The following TNS3 variants were observed in gnomAD, a reference collection of about 807,000 sequenced individuals.
The protein encoded by TNS3 is tensin-3.
Under a neutral mutation model 140.9 loss-of-function variants are expected in TNS3, and 45 were observed. The ratio of observed to expected loss-of-function variants is 0.32; its 90% CI spans 0.25 to 0.41. The LOEUF (loss-of-function observed/expected upper bound fraction) is 0.41. TNS3 is among the 10% of genes least tolerant of loss of function. The pLI, the probability that TNS3 is intolerant of heterozygous loss-of-function variation, is 1.00. For synonymous variants in TNS3, 815 were observed against 788.4 expected, an observed-to-expected ratio of 1.03 and a Z score of -0.56; for missense variants, 1,716 against 1,906.7, an observed-to-expected ratio of 0.90 and a Z score of 1.86.
chr7:47,582,136 T>C (rs1259156663), upstream of TNS3: 9 of 150,752 alleles, frequency 6.0e-5, no homozygotes, highest in East Asian at 1.2e-3. Flanking sequence ...CCCGTCCTCC[T>C]GGCTGGCTGC....
rs1481307825 is a variant in TNS3, at chr7:47,565,080, C to CTT, written c.-265+16970_-265+16971insAA. On this transcript the variant is annotated intron_variant, in intron 1 of 30. Coordinates refer to ENST00000311160, the MANE Select transcript of TNS3 (RefSeq NM_022748.12). ...TCCAGAAATGTTGATTTTTTTATTT[C>CTT]TATTTTTTTTTTTTTGAGACAGAGT... 1.3e-5 allele frequency among the ~76,000 whole-genome samples: 2 copies of CTT among 149,240 alleles called. 1 individual carries two copies. Among genetic ancestry groups the CTT allele is most frequent in the Non-Finnish European group, 3.0e-5 (2 of 67,124 alleles).
intron 3 of TNS3, among the ~76,000 whole-genome samples, chr7:47,486,472 G>A (rs1490477396): frequency 6.6e-6 from 1 of 152,138 alleles, no homozygotes; most frequent in African/African-American, 2.4e-5. Context: ...ATCCCCCAAG[G>A]TGAATGAAAG....
At chr7:47,284,040 C>T (rs996565263) in intron 27 of TNS3, among the ~76,000 whole-genome samples, 175 bp from the exon 28 acceptor site, 1 of 152,228 alleles carries the variant, frequency 6.6e-6, no homozygotes, top group Non-Finnish European at 1.5e-5. Context: ...AAAACATGAA[C>T]AGTGAGTGCT....
intron 6 of TNS3, among the ~76,000 whole-genome samples, chr7:47,438,623 G>A (rs1799373): frequency 0.026 from 3,918 of 152,194 alleles, 70 homozygotes; most frequent in Non-Finnish European, 0.043. Flanking sequence ...ATCAAGGATC[G>A]GGGAGGGGTC....
intron 4 of TNS3, among the ~76,000 whole-genome samples, chr7:47,468,983 T>A (rs1183699126): frequency 3.9e-5 from 6 of 152,148 alleles, no homozygotes; most frequent in Non-Finnish European, 8.8e-5. Flanking sequence ...AAACAAGCAA[T>A]GGGGAAAGGA....
chr7:47,458,007 A>G (rs1306694643), intron 4 of TNS3, among the ~76,000 whole-genome samples: 1 of 152,248 alleles, frequency 6.6e-6, no homozygotes, highest in African/African-American at 2.4e-5. Context: ...CACCAAAAAA[A>G]GGAAGTATAT....
chr7:47,441,587 G>A (rs1240655377), intron 5 of TNS3, among the ~76,000 whole-genome samples: 1 of 152,196 alleles, frequency 6.6e-6, no homozygotes, highest in Non-Finnish European at 1.5e-5. Context: ...CAATTCAAAT[G>A]TATTGAACAC....
chr7:47,547,085 T>C (rs754464453), intron 1 of TNS3, among the ~76,000 whole-genome samples: 1 of 152,198 alleles, frequency 6.6e-6, no homozygotes, highest in East Asian at 1.9e-4. Context: ...CATTCATTCA[T>C]TCCCGAGTTT....
Position 47,303,601 on chromosome 7 carries a change from C to T in TNS3, c.2823-17G>A, listed in dbSNP as rs1457576778. 1.9e-6 allele frequency: 3 copies of T among 1,569,272 alleles called. No homozygotes were observed. The Admixed American group carries it at 5.4e-5, about 28-fold the overall frequency. ...GAAGAGGAGCTGTTCAAAAGACAAG[C>T]CGACCAAGACAGCATGTAAGGTACA... On this transcript the variant is annotated splice_polypyrimidine_tract_variant and intron_variant, in intron 21 of 30. Coordinates refer to ENST00000311160, the MANE Select transcript of TNS3 (RefSeq NM_022748.12).
chr7:47,441,730 C>A (rs916256556), intron 5 of TNS3, among the ~76,000 whole-genome samples: 1 of 152,208 alleles, frequency 6.6e-6, no homozygotes, highest in African/African-American at 2.4e-5. Flanking sequence ...GAGTCTCCCC[C>A]AAAAGTGACA....
intron 1 of TNS3, among the ~76,000 whole-genome samples, chr7:47,559,004 G>A (rs1245835890): frequency 1.3e-5 from 2 of 152,188 alleles, no homozygotes; most frequent in African/African-American, 2.4e-5. Context: ...CGCAACGCCC[G>A]TGTATATAGA....
rs562332337 is a variant in TNS3, at chr7:47,463,773, T to C, written c.-76+17330A>G. On this transcript the variant is annotated intron_variant, in intron 4 of 30. Transcript: ENST00000311160. Reference sequence around the variant, plus strand: ...TGGGCAACCCGAATTTTGAGTCTTTTTGTTCATGTCTTCAAATGACCACAA... The same window carrying C: ...TGGGCAACCCGAATTTTGAGTCTTTCTGTTCATGTCTTCAAATGACCACAA... Among the ~76,000 whole-genome samples the C allele has an allele frequency of 1.1e-4, 16 of 152,322 alleles. No individual in the cohort carries two copies. The East Asian group carries it at 3.1e-3, about 29-fold the overall frequency.
chr7:47,294,946 A>G (rs1390029524), intron 24 of TNS3, among the ~76,000 whole-genome samples: 1 of 152,172 alleles, frequency 6.6e-6, no homozygotes, highest in African/African-American at 2.4e-5. Flanking sequence ...CTCTCTGGAG[A>G]ACAGCATCCA....
At chr7:47,306,961 C>A (rs572387063) in intron 20 of TNS3, among the ~76,000 whole-genome samples, 1 of 152,020 alleles carries the variant, frequency 6.6e-6, no homozygotes, top group African/African-American at 2.4e-5. Flanking sequence ...TCTAATAGAC[C>A]TTGGTAGAGA....
rs141952847 is a variant in TNS3 at position 47,576,053 on chromosome 7, C to T, written c.-265+5998G>A. On this transcript the variant is annotated intron_variant, in intron 1 of 30. Coordinates refer to ENST00000311160, the MANE Select transcript of TNS3 (RefSeq NM_022748.12). Reference sequence around the variant, plus strand: ...TGTCCACCCGGCTCTGCAGGTCTTTCCAGAGGAGACAAACTGGAAACACCT... The same window carrying T: ...TGTCCACCCGGCTCTGCAGGTCTTTTCAGAGGAGACAAACTGGAAACACCT... Among the ~76,000 whole-genome samples the T allele has an allele frequency of 1.6e-3, 239 of 152,154 alleles. 1 individual carries two copies. Among genetic ancestry groups the T allele is most frequent in the Middle Eastern group, 3.4e-3 (1 of 294 alleles).
Position 47,277,906 on chromosome 7 carries a change from G to C in TNS3, c.*170C>G. 1 of 784,498 alleles carries C rather than the reference G, an allele frequency of 1.3e-6. No homozygotes were observed. Among genetic ancestry groups the C allele is most frequent in the South Asian group, 1.5e-5 (1 of 67,604 alleles). 48.6% of individuals were successfully genotyped at this position (784,498 alleles called of 1,614,324 possible). A position where few individuals can be genotyped will look rare whatever the true frequency, so the allele number is the denominator to read the frequency against. The stretch of plus-strand genomic sequence containing the variant: ...TCACTTTCAGGAAAGGCCAATTCAC[G>C]GTGATGTTGTTTGTTCTTGTTTTTG... On this transcript the variant is annotated 3_prime_UTR_variant, in exon 31 of 31. Transcript: ENST00000311160.
chr7:47,495,468 C>T (rs1284557871), intron 3 of TNS3, among the ~76,000 whole-genome samples: 2 of 152,154 alleles, frequency 1.3e-5, no homozygotes, highest in East Asian at 3.9e-4. Flanking sequence ...GGCCACGACC[C>T]CCGCCCTGAG....
intron 10 of TNS3, among the ~76,000 whole-genome samples, chr7:47,422,709 G>C (rs1794440104): frequency 6.6e-6 from 1 of 152,026 alleles, no homozygotes; most frequent in Non-Finnish European, 1.5e-5. Context: ...GGTGCCGTAA[G>C]AAATAAGAAC....
intron 17 of TNS3, among the ~76,000 whole-genome samples, chr7:47,350,323 G>C (rs554292139): frequency 1.3e-5 from 2 of 152,208 alleles, no homozygotes; most frequent in East Asian, 1.9e-4. Flanking sequence ...TCTGTCTCTC[G>C]TGTGAATTTC....
Sources: gnomAD v4.1 joint callset for allele counts (sites outside exome capture counted in the v4.1 genomes callset) on GRCh38, gnomAD v4.1.1 for gene constraint, MANE v1.5 for transcripts, NCBI Gene and HGNC (gene_info 2026-07-23, HGNC 2026-07-21) for gene names.